Variants in STAM observed in about 807,000 individuals in gnomAD.
The protein encoded by STAM is signal transducing adapter molecule 1.
In STAM, 16 loss-of-function variants were observed where a neutral mutation model predicts 63.4. The ratio of observed to expected loss-of-function variants is 0.25; its 90% CI spans 0.17 to 0.38. The LOEUF is 0.38. Ranked by LOEUF, STAM falls within the 10% of genes least tolerant of loss-of-function variation. The pLI is 1.00. For missense variants in STAM, 636 were observed against 657.1 expected (o/e 0.97, Z 0.35); for synonymous variants, 238 against 223.9 (o/e 1.06, Z -0.56).
chr10:17,644,491 TCC>T, intron 1 of STAM, 112 bp downstream of exon 1: 9 of 1,319,686 alleles, frequency 6.8e-6, no homozygotes, highest in Non-Finnish European at 6.4e-6. Flanking sequence ...AGCTCGCTCT[TCC>T]CCTTTCCTGA....
chr10:17,688,054 A>C lies in STAM; in HGVS notation c.325A>C (p.Lys109Gln). 6.3e-7 allele frequency: 1 copy of C among 1,596,142 alleles called. No homozygotes were observed. The highest frequency in any genetic ancestry group is 8.5e-7 in the Non-Finnish European group (1 of 1,173,152). Residue 109 changes from lysine (K) to glutamine (Q), a missense_variant, in exon 5 of 14, where the codon AAG (lysine) becomes CAG (glutamine). Lys to Gln is a moderately conservative substitution (Grantham distance 53). Transcript: ENST00000377524. Reference sequence around the variant, plus strand: ...TCATCCTAAAGTATGTGAAAAATTAAAGGCTCTTATGGTTGAATGGACAGA... The same window carrying C: ...TCATCCTAAAGTATGTGAAAAATTACAGGCTCTTATGGTTGAATGGACAGA... ...KGHPKVCEKL[K>Q]ALMVEWTDEF... is the part of the protein sequence containing the mutation.
chr10:17,673,124 G>C (rs1554824262), intron 2 of STAM: 1 of 745,798 alleles, frequency 1.3e-6, no homozygotes, highest in Admixed American at 6.3e-5. Flanking sequence ...TGCACGTGCA[G>C]ATTTTCTCTT....
intron 12 of STAM, among the ~76,000 whole-genome samples, chr10:17,707,745 G>T (rs1836359933): frequency 6.6e-6 from 1 of 152,124 alleles, no homozygotes; most frequent in Non-Finnish European, 1.5e-5. Context: ...AGTGCTAAAT[G>T]GAAGGATCTA....
rs1283487397 is a variant in STAM, at chr10:17,708,773, C to A, written c.1210-3C>A. 3.7e-6 allele frequency: 6 copies of A among 1,605,260 alleles called. No individual in the cohort carries two copies. Among genetic ancestry groups the A allele is most frequent in the African/African-American group, 2.7e-5 (2 of 74,694 alleles). On this transcript the variant is annotated splice_region_variant and splice_polypyrimidine_tract_variant and intron_variant, in intron 12 of 13. Transcript: ENST00000377524. ...GAATATGATTTCTCTTTAACCATCGCAGGTGTATGCAGGGCCTCCTCCAAG... is the reference window on the plus strand; with the variant it reads ...GAATATGATTTCTCTTTAACCATCGAAGGTGTATGCAGGGCCTCCTCCAAG...
intron 5 of STAM, among the ~76,000 whole-genome samples, chr10:17,692,689 G>C (rs551260358): frequency 1.3e-4 from 20 of 152,150 alleles, no homozygotes; most frequent in Non-Finnish European, 2.5e-4. Context: ...TATACTGTCA[G>C]AATTAACTAC....
In STAM at chr10:17,688,316, G is replaced by T. The variant is rs1835379384; in HGVS notation, c.444+143G>T. 4.2e-6 allele frequency: 3 copies of T among 718,532 alleles called. No homozygotes were observed. In the Admixed American group the frequency reaches 9.0e-5, roughly 22 times the overall value. 44.5% of individuals were successfully genotyped at this position (718,532 alleles called of 1,614,324 possible). On this transcript the variant is annotated intron_variant, in intron 5 of 13. Transcript: ENST00000377524. ...TAGCTAATTGTGTTAGTAACTAGTT[G>T]TATTGCTAGTTAGTAATACTAGTTT...
intron 4 of STAM, among the ~76,000 whole-genome samples, chr10:17,687,357 C>A (rs1554826200): frequency 6.6e-6 from 1 of 152,012 alleles, no homozygotes; most frequent in African/African-American, 2.4e-5. Context: ...CGCCTGTAAT[C>A]CTACTCGGGA....
intron 9 of STAM, among the ~76,000 whole-genome samples, chr10:17,701,407 T>C (rs1554828406): frequency 6.6e-6 from 1 of 152,246 alleles, no homozygotes; most frequent in Non-Finnish European, 1.5e-5. Flanking sequence ...TTTTGAAGTG[T>C]CACATTGTAT....
rs1405543953 is a variant in STAM at position 17,716,125 on chromosome 10, G to A, written c.*1345G>A. Among the ~76,000 whole-genome samples, 2 of 151,952 alleles carry A rather than the reference G, an allele frequency of 1.3e-5. No individual in the cohort carries two copies. Among genetic ancestry groups the A allele is most frequent in the African/African-American group, 4.8e-5 (2 of 41,384 alleles). ...AAATATTTACGATTTCCCTGGTTGGGCTATACTATTATTTTAGCACTATTT... is the reference window on the plus strand; with the variant it reads ...AAATATTTACGATTTCCCTGGTTGGACTATACTATTATTTTAGCACTATTT... On this transcript the variant is annotated 3_prime_UTR_variant, in exon 14 of 14. Coordinates refer to ENST00000377524, the MANE Select transcript of STAM (RefSeq NM_003473.4).
At chr10:17,681,804 C>T (rs1476981154) in intron 2 of STAM, among the ~76,000 whole-genome samples, 1 of 152,200 alleles carries the variant, frequency 6.6e-6, no homozygotes, top group Non-Finnish European at 1.5e-5. Flanking sequence ...AACTGAACTT[C>T]AGTAAATGGA....
chr10:17,676,223 A>C lies in STAM; in HGVS notation c.126-8452A>C, dbSNP rs1444975003. Among the ~76,000 whole-genome samples the C allele has an allele frequency of 2.0e-5, 3 of 152,190 alleles. No individual in the cohort carries two copies. The South Asian group carries it at 6.2e-4, about 32-fold the overall frequency. The stretch of plus-strand genomic sequence containing the variant: ...TAATTTTCATTTACTTCCAGGCATG[A>C]GCTGACTTATTTTTAATAGTTATGA... On this transcript the variant is annotated intron_variant, in intron 2 of 13. Transcript: ENST00000377524.
intron 10 of STAM, 104 bp downstream of exon 10, chr10:17,704,622 T>G (rs1836171862): frequency 1.1e-5 from 11 of 974,958 alleles, no homozygotes; most frequent in Non-Finnish European, 1.7e-5. Flanking sequence ...AATGGAACAT[T>G]TCTCACTTCT....
chr10:17,658,197 GTT>G, intron 1 of STAM, among the ~76,000 whole-genome samples: 1 of 149,038 alleles, frequency 6.7e-6, no homozygotes, highest in African/African-American at 2.5e-5. Flanking sequence ...TTTCTTTTAA[GTT>G]TTTTTTTTAC....
At chr10:17,672,527 T>G (rs1834682508) in intron 2 of STAM, among the ~76,000 whole-genome samples, 1 of 152,208 alleles carries the variant, frequency 6.6e-6, no homozygotes, top group Non-Finnish European at 1.5e-5. Context: ...ACAATTACAA[T>G]TCCCACTTTT....
chr10:17,676,225 C>T (rs1589058179), intron 2 of STAM, among the ~76,000 whole-genome samples: 1 of 152,120 alleles, frequency 6.6e-6, no homozygotes, highest in Admixed American at 6.6e-5. Flanking sequence ...CAGGCATGAG[C>T]TGACTTATTT....
At chr10:17,694,429 G>C (rs1473394862) in intron 6 of STAM, among the ~76,000 whole-genome samples, 1 of 152,116 alleles carries the variant, frequency 6.6e-6, no homozygotes, top group Non-Finnish European at 1.5e-5. Context: ...AGAGCAGAAA[G>C]GGTTCTGTGT....
In STAM at chr10:17,705,087, A is replaced by C. The variant is rs1836199021; in HGVS notation, c.1055+63A>C. On this transcript the variant is annotated intron_variant, in intron 11 of 13. Coordinates refer to ENST00000377524, the MANE Select transcript of STAM (RefSeq NM_003473.4). ...TTTCCTGAAGCTATCACTGTACTGC[A>C]AAGTGGGCTATAACTGCCTTTTAAA... The C allele has an allele frequency of 2.1e-6, 3 of 1,429,920 alleles. No homozygotes were observed. In the Admixed American group the frequency reaches 5.4e-5, roughly 26 times the overall value. 88.6% of individuals were successfully genotyped at this position (1,429,920 alleles called of 1,614,324 possible). A position where few individuals can be genotyped will look rare whatever the true frequency, so the allele number is the denominator to read the frequency against.
chr10:17,706,369 CTTTT>C (rs59585445), intron 12 of STAM, among the ~76,000 whole-genome samples: 6,908 of 70,400 alleles, frequency 0.098, 297 homozygotes, highest in Middle Eastern at 0.26. Flanking sequence ...GGTTGAGGCC[CTTTT>C]TTTTTTTTTT....
intron 8 of STAM, among the ~76,000 whole-genome samples, chr10:17,699,415 G>A (rs1554828064): frequency 6.6e-6 from 1 of 152,134 alleles, no homozygotes; most frequent in African/African-American, 2.4e-5. Context: ...TAGAAAGGAA[G>A]TTTGTTTAGT....
Sources: allele counts gnomAD v4.1 joint callset (sites outside exome capture counted in the v4.1 genomes callset), GRCh38; gene constraint gnomAD v4.1.1; transcripts MANE v1.5; gene names NCBI Gene and HGNC (gene_info 2026-07-23, HGNC 2026-07-21).